Variants in AKT3 observed in about 807,000 individuals in gnomAD.
The protein encoded by AKT3 is RAC-gamma serine/threonine-protein kinase.
In AKT3, 15 loss-of-function variants were observed where a neutral mutation model predicts 65.3. The observed-to-expected ratio is 0.23, with a 90% confidence interval of 0.15 to 0.35. AKT3 has a LOEUF of 0.35. Ranked by LOEUF, AKT3 falls within the 10% of genes least tolerant of loss-of-function variation. AKT3 has a pLI of 1.00. For synonymous variants in AKT3, 206 were observed against 183.8 expected, an observed-to-expected ratio of 1.12 and a Z score of -0.98; for missense variants, 243 against 576.5, an observed-to-expected ratio of 0.42 and a Z score of 5.92.
At chr1:243,810,455 A>C (rs973981912) in intron 2 of AKT3, among the ~76,000 whole-genome samples, 2 of 151,668 alleles carry the variant, frequency 1.3e-5, no homozygotes, top group Admixed American at 6.6e-5. Context: ...CGACACATAC[A>C]CTCCCCCAAG....
intron 2 of AKT3, among the ~76,000 whole-genome samples, chr1:243,730,424 A>G (rs559236953): frequency 1.8e-4 from 27 of 152,204 alleles, no homozygotes; most frequent in Non-Finnish European, 3.4e-4. Context: ...AGTGGGCATG[A>G]AAAGGGCTGC....
intron 2 of AKT3, among the ~76,000 whole-genome samples, chr1:243,729,669 C>T (rs1687425049): frequency 6.6e-6 from 1 of 151,692 alleles, no homozygotes; most frequent in Admixed American, 6.6e-5. Context: ...TATGGGAAAA[C>T]GTTCATAATA....
intron 2 of AKT3, among the ~76,000 whole-genome samples, chr1:243,785,235 A>ATTTTTT (rs757049231): frequency 1.4e-5 from 2 of 138,898 alleles, no homozygotes; most frequent in South Asian, 2.3e-4. Flanking sequence ...TGCCCAGCTA[A>ATTTTTT]TTTTTTTTTT....
At chr1:243,566,971 A>G (rs1674201512) in intron 9 of AKT3, among the ~76,000 whole-genome samples, 1 of 152,182 alleles carries the variant, frequency 6.6e-6, no homozygotes, top group African/African-American at 2.4e-5. Flanking sequence ...TCAATATGCA[A>G]TAATTTATTT....
chr1:243,850,481 C>G (rs576993378), upstream of AKT3, among the ~76,000 whole-genome samples: 72 of 151,348 alleles, frequency 4.8e-4, 2 homozygotes, highest in South Asian at 0.015. Context: ...GGGGCGCGCC[C>G]GGCGCGGGGA....
chr1:243,778,646 T>A (rs941520104), intron 2 of AKT3, among the ~76,000 whole-genome samples: 6 of 152,108 alleles, frequency 3.9e-5, no homozygotes, highest in African/African-American at 1.4e-4. Flanking sequence ...AAAACTAGGT[T>A]TAAGTTATAC....
chr1:243,625,083 A>G, intron 6 of AKT3: 4 of 252,738 alleles, frequency 1.6e-5, no homozygotes, highest in Non-Finnish European at 3.2e-5. Context: ...CTTTAGAGAC[A>G]GAAGTGAGGA....
chr1:243,735,665 C>G (rs76466549), intron 2 of AKT3: 1 of 152,162 alleles, frequency 6.6e-6, no homozygotes, highest in Admixed American at 6.5e-5. Flanking sequence ...ACCAGTCATT[C>G]TCATAGTTGA....
chr1:243,764,298 T>A (rs1025212942), intron 2 of AKT3, among the ~76,000 whole-genome samples: 2 of 151,974 alleles, frequency 1.3e-5, no homozygotes, highest in Non-Finnish European at 2.9e-5. Flanking sequence ...TAAAACTCTA[T>A]AAAGTAAAAG....
intron 2 of AKT3, among the ~76,000 whole-genome samples, chr1:243,696,683 C>T (rs1235488011): frequency 6.6e-6 from 1 of 152,030 alleles, no homozygotes; most frequent in Non-Finnish European, 1.5e-5. Context: ...AACCCAACAT[C>T]TGAAGGTTCC....
In AKT3 at chr1:243,501,623, A is replaced by ATT. The variant is rs1669309507; in HGVS notation, c.*3625_*3626insAA. Reference sequence around the variant, plus strand: ...ATGTGTGTGTGTGTGAGCTACAAGGAATTATTTCTATATTTTCCTGTCACA... The same window carrying ATT: ...ATGTGTGTGTGTGTGAGCTACAAGGATTATTATTTCTATATTTTCCTGTCACA... On this transcript the variant is annotated 3_prime_UTR_variant, in exon 14 of 14. Transcript: ENST00000673466. 9.5e-5 allele frequency: 22 copies of ATT among 232,716 alleles called. No individual in the cohort carries two copies. The highest frequency in any genetic ancestry group is 1.2e-3 in the Middle Eastern group (1 of 808). 14.4% of individuals were successfully genotyped at this position (232,716 alleles called of 1,614,324 possible). A position where few individuals can be genotyped will look rare whatever the true frequency, so the allele number is the denominator to read the frequency against.
intron 2 of AKT3, among the ~76,000 whole-genome samples, chr1:243,696,713 T>A (rs1483716661): frequency 6.6e-6 from 1 of 151,978 alleles, no homozygotes; most frequent in Non-Finnish European, 1.5e-5. Flanking sequence ...CACAGTTAGG[T>A]CAATACTGCC....
At chr1:243,560,452 A>G (rs1673694905) in intron 10 of AKT3, among the ~76,000 whole-genome samples, 1 of 152,114 alleles carries the variant, frequency 6.6e-6, no homozygotes, top group Non-Finnish European at 1.5e-5. Flanking sequence ...TAAAAATGCA[A>G]TATGTGACAC....
chr1:243,507,986 A>G (rs1379814711), intron 13 of AKT3, among the ~76,000 whole-genome samples: 1 of 152,210 alleles, frequency 6.6e-6, no homozygotes, highest in African/African-American at 2.4e-5. Flanking sequence ...TTTGTTCTAA[A>G]CAATAACTGT....
chr1:243,797,868 A>G (rs1183277255), intron 2 of AKT3, among the ~76,000 whole-genome samples: 3 of 149,580 alleles, frequency 2.0e-5, no homozygotes, highest in Non-Finnish European at 4.4e-5. Context: ...ACAAAAAAAA[A>G]AACCAAAAAA....
At chr1:243,544,458 G>C (rs1307997598) in intron 12 of AKT3, among the ~76,000 whole-genome samples, 2 of 151,650 alleles carry the variant, frequency 1.3e-5, no homozygotes, top group African/African-American at 4.8e-5. Flanking sequence ...CCTACAAAAA[G>C]TACCAAAAAC....
intron 3 of AKT3, among the ~76,000 whole-genome samples, chr1:243,688,978 C>A (rs1572174458): frequency 6.6e-6 from 1 of 152,102 alleles, no homozygotes; most frequent in Admixed American, 6.6e-5. Context: ...ATAATCAAAT[C>A]CTCTTCTTCA....
Position 243,806,188 on chromosome 1 carries a change from A to T in AKT3, c.46+36937T>A, listed in dbSNP as rs1692713368. ...ACTTCCTAGTTCTCCCTTCTATAGA[A>T]CCATGGCACTAAGTAGATACCTTTA... On this transcript the variant is annotated intron_variant, in intron 2 of 13. Coordinates refer to ENST00000673466, the MANE Select transcript of AKT3 (RefSeq NM_005465.7). 3.9e-5 allele frequency among the ~76,000 whole-genome samples: 6 copies of T among 152,132 alleles called. No homozygotes were observed. In the South Asian group the frequency reaches 1.0e-3, roughly 26 times the overall value.
chr1:243,584,418 T>G (rs1189442568), intron 8 of AKT3, among the ~76,000 whole-genome samples: 1 of 151,836 alleles, frequency 6.6e-6, no homozygotes, highest in Non-Finnish European at 1.5e-5. Context: ...CTACTGAAAC[T>G]ATTCCAAAAA....
Sources: allele counts gnomAD v4.1 joint callset (sites outside exome capture counted in the v4.1 genomes callset), GRCh38; gene constraint gnomAD v4.1.1; transcripts MANE v1.5; gene names NCBI Gene and HGNC (gene_info 2026-07-23, HGNC 2026-07-21).